Variants in PLEKHA5 observed in about 807,000 individuals in gnomAD.
PLEKHA5 encodes pleckstrin homology domain containing A5, also known as pleckstrin homology domain-containing family A member 5.
Under a neutral mutation model 181.9 loss-of-function variants are expected in PLEKHA5, and 55 were observed. The ratio of observed to expected loss-of-function variants is 0.30; its 90% confidence interval spans 0.24 to 0.38. The LOEUF is 0.38. Ranked by LOEUF, PLEKHA5 falls within the 10% of genes least tolerant of loss-of-function variation. PLEKHA5 has a pLI of 1.00. For missense variants in PLEKHA5, 1,432 were observed against 1,549.5 expected (o/e 0.92, Z 1.27); for synonymous variants, 535 against 529.4 (o/e 1.01, Z -0.15).
At chr12:19,245,647 G>C (rs1404555507) in intron 3 of PLEKHA5, among the ~76,000 whole-genome samples, 1 of 134,628 alleles carries the variant, frequency 7.4e-6, no homozygotes, top group Non-Finnish European at 1.5e-5. Context: ...AGAATAGCTT[G>C]AACCCGGAGA....
In PLEKHA5 at chr12:19,347,142, T is replaced by C. The variant is rs1258966466; in HGVS notation, c.2858T>C (p.Met953Thr). Reference protein sequence around the residue: ...GPVHLPEEKKMYQVQGYPRNG... With the variant: ...GPVHLPEEKKTYQVQGYPRNG... ...GTTCATCTGCCTGAAGAAAAGAAGA[T>C]GTATCAAGTTCAAGGATATCCAAGA... is the stretch of plus-strand genomic sequence containing the variant. Residue 953 changes from methionine to threonine, a missense_variant, in exon 24 of 32, where the codon ATG becomes ACG. By Grantham distance (81) the Met-to-Thr change is moderately conservative. Transcript: ENST00000429027. 2 of 1,550,388 alleles carry C rather than the reference T, an allele frequency of 1.3e-6. No individual in the cohort carries two copies. Among genetic ancestry groups the C allele is most frequent in the Admixed American group, 2.0e-5 (1 of 50,914 alleles).
At chr12:19,136,333 A>G (rs746738054) in intron 3 of PLEKHA5, among the ~76,000 whole-genome samples, 1 of 152,116 alleles carries the variant, frequency 6.6e-6, no homozygotes, top group East Asian at 1.9e-4. Flanking sequence ...TTGAATTTTC[A>G]TATTGTTTTT....
At chr12:19,225,287 T>G (rs2059539469) in intron 3 of PLEKHA5, among the ~76,000 whole-genome samples, 1 of 152,176 alleles carries the variant, frequency 6.6e-6, no homozygotes. Context: ...TGTCAGAGCA[T>G]GTAGTCCTTT....
At position 19,361,375 on chromosome 12, in the gene PLEKHA5, G is replaced by A. The variant is rs112824383; in HGVS notation, c.3484-207G>A. 2.0e-5 allele frequency among the ~76,000 whole-genome samples: 3 copies of A among 151,996 alleles called. 1 individual carries two copies. The highest frequency in any genetic ancestry group is 7.2e-5 in the African/African-American group (3 of 41,478). The stretch of plus-strand genomic sequence containing the variant: ...TTTTTTTGTATTTTCAGTAGAGACA[G>A]TGTTTCACCGTGTTAGCCAGGATGG... On this transcript the variant is annotated intron_variant, in intron 28 of 31. Coordinates refer to ENST00000429027, the MANE Select transcript of PLEKHA5 (RefSeq NM_001256470.2).
Position 19,307,624 on chromosome 12 carries a change from G to T in PLEKHA5, c.2038-7190G>T, listed in dbSNP as rs2084501940. On this transcript the variant is annotated intron_variant, in intron 15 of 31. Transcript: ENST00000429027. ...ATCTTCTAGACACAGTCAAGGAGCA[G>T]ATCAAGAGAGTGATTACATTGTCAG... 9.2e-6 allele frequency: 3 copies of T among 326,482 alleles called. No individual in the cohort carries two copies. In the South Asian group the frequency reaches 1.0e-4, roughly 11 times the overall value. 20.2% of individuals were successfully genotyped at this position (326,482 alleles called of 1,614,324 possible). A position where few individuals can be genotyped will look rare whatever the true frequency, so the allele number is the denominator to read the frequency against.
chr12:19,365,815 T>C lies in PLEKHA5; in HGVS notation c.3609-149T>C, dbSNP rs1592653182. On this transcript the variant is annotated intron_variant, in intron 29 of 31. Coordinates refer to ENST00000429027, the MANE Select transcript of PLEKHA5 (RefSeq NM_001256470.2). The stretch of plus-strand genomic sequence containing the variant: ...GGTTTATTATTTGCTCTAATTCTTT[T>C]GTTTGAAACTTTCAAAAGAAAGAAA... 1.5e-5 allele frequency: 9 copies of C among 588,544 alleles called. No individual in the cohort carries two copies. The East Asian group carries it at 1.8e-4, about 12-fold the overall frequency. The allele number at this position is 588,544 out of a possible 1,614,324, so 36.5% of individuals were successfully genotyped here.
chr12:19,374,615 C>T (rs564569843), intron 31 of PLEKHA5, among the ~76,000 whole-genome samples: 62 of 101,322 alleles, frequency 6.1e-4, no homozygotes, highest in African/African-American at 2.2e-3. Context: ...GCCAAGATTG[C>T]GCCACTGCAC....
intron 20 of PLEKHA5, among the ~76,000 whole-genome samples, chr12:19,328,117 A>G (rs1285710064): frequency 2.6e-5 from 4 of 152,134 alleles, no homozygotes; most frequent in East Asian, 1.9e-4. Flanking sequence ...ATTTTTGTCA[A>G]TTTGATCAAA....
At chr12:19,247,186 C>A (rs901627331) in intron 3 of PLEKHA5, among the ~76,000 whole-genome samples, 1 of 152,270 alleles carries the variant, frequency 6.6e-6, no homozygotes, top group East Asian at 1.9e-4. Context: ...CAGCTTCCCC[C>A]GTTTTCAGAG....
chr12:19,306,534 C>G (rs779260427), intron 15 of PLEKHA5: 9 of 745,162 alleles, frequency 1.2e-5, no homozygotes, highest in Middle Eastern at 2.4e-4. Context: ...GAGAACGCCG[C>G]GAGCAGCGCC....
At chr12:19,141,687 G>GT (rs1246356073) in intron 3 of PLEKHA5, among the ~76,000 whole-genome samples, 11 of 152,278 alleles carry the variant, frequency 7.2e-5, no homozygotes, top group Admixed American at 1.3e-4. Flanking sequence ...GAATTTTGAG[G>GT]AAGAATGAGT....
At chr12:19,138,129 C>T (rs2036212604) in intron 3 of PLEKHA5, among the ~76,000 whole-genome samples, 1 of 152,160 alleles carries the variant, frequency 6.6e-6, no homozygotes, top group Non-Finnish European at 1.5e-5. Flanking sequence ...TAGGACCTGT[C>T]TGTCCTATAC....
At chr12:19,154,897 T>C (rs2041316328) in intron 3 of PLEKHA5, among the ~76,000 whole-genome samples, 1 of 152,184 alleles carries the variant, frequency 6.6e-6, no homozygotes, top group Admixed American at 6.5e-5. Context: ...GCCCCAGCAA[T>C]GTCTAATGAT....
chr12:19,227,320 G>A (rs2059842830), intron 3 of PLEKHA5, among the ~76,000 whole-genome samples: 1 of 150,472 alleles, frequency 6.6e-6, no homozygotes, highest in African/African-American at 2.4e-5. Flanking sequence ...TGTCCTCTGG[G>A]AAGGTAAGCT....
intron 3 of PLEKHA5, among the ~76,000 whole-genome samples, chr12:19,157,719 G>A (rs1446606499): frequency 6.6e-6 from 1 of 152,076 alleles, no homozygotes; most frequent in Non-Finnish European, 1.5e-5. Context: ...TGCAAATGAG[G>A]ACCCTAAACC....
intron 15 of PLEKHA5, among the ~76,000 whole-genome samples, chr12:19,305,513 A>G (rs1166435409): frequency 6.7e-6 from 1 of 148,660 alleles, no homozygotes; most frequent in Non-Finnish European, 1.5e-5. Flanking sequence ...GTGAGCCAAG[A>G]TGGCACTGCT....
At chr12:19,367,021 G>C (rs1439313737) in intron 30 of PLEKHA5, among the ~76,000 whole-genome samples, 1 of 151,844 alleles carries the variant, frequency 6.6e-6, no homozygotes, top group Non-Finnish European at 1.5e-5. Flanking sequence ...TAGTAGCTGG[G>C]ACTACAGGTG....
intron 3 of PLEKHA5, among the ~76,000 whole-genome samples, chr12:19,231,569 T>A (rs1222719520): frequency 7.2e-6 from 1 of 139,778 alleles, no homozygotes; most frequent in Non-Finnish European, 1.5e-5. Context: ...TATGTACACA[T>A]ATATATGTAT....
chr12:19,147,992 C>A (rs1307961268), intron 3 of PLEKHA5, among the ~76,000 whole-genome samples: 1 of 125,296 alleles, frequency 8.0e-6, no homozygotes, highest in East Asian at 2.4e-4. Flanking sequence ...TTGCCTTGGC[C>A]TCCCAAAGTG....
Sources: gnomAD v4.1 joint callset for allele counts (sites outside exome capture counted in the v4.1 genomes callset) on GRCh38, gnomAD v4.1.1 for gene constraint, MANE v1.5 for transcripts, NCBI Gene and HGNC (gene_info 2026-07-23, HGNC 2026-07-21) for gene names.